Variants in DDAH1 observed in about 807,000 individuals in gnomAD.
DDAH1 encodes the protein N(G),N(G)-dimethylarginine dimethylaminohydrolase 1.
In DDAH1, 19 loss-of-function variants were observed where a neutral mutation model predicts 28.8. The ratio of observed to expected loss-of-function variants is 0.66; its 90% CI spans 0.46 to 0.97. DDAH1 has a LOEUF of 0.97. Ranked by LOEUF, DDAH1 falls within the 50% of genes least tolerant of loss-of-function variation. DDAH1 has a pLI of 0.00. For synonymous variants in DDAH1, 153 were observed against 154.4 expected (o/e 0.99, Z 0.07); for missense variants, 326 against 375.9 (o/e 0.87, Z 1.10).
chr1:85,468,674 C>T (rs1053352385), upstream of DDAH1, among the ~76,000 whole-genome samples: 5 of 152,122 alleles, frequency 3.3e-5, no homozygotes, highest in African/African-American at 1.2e-4. Context: ...CACCCGCCAC[C>T]ACACCCAGCT....
chr1:85,445,496 G>A (rs1191680678), intron 1 of DDAH1, among the ~76,000 whole-genome samples: 1 of 152,210 alleles, frequency 6.6e-6, no homozygotes, highest in Non-Finnish European at 1.5e-5. Flanking sequence ...ATTTAGGACA[G>A]ACGGTTAACG....
rs1400890888 is a variant in DDAH1, at chr1:85,440,572, G to GA, written c.303+24170dup. Among the ~76,000 whole-genome samples, 2 of 152,198 alleles carry GA rather than the reference G, an allele frequency of 1.3e-5. 1 individual carries two copies. Among genetic ancestry groups the GA allele is most frequent in the Admixed American group, 1.3e-4 (2 of 15,282 alleles). On this transcript the variant is annotated intron_variant, in intron 1 of 5. Coordinates refer to ENST00000284031, the MANE Select transcript of DDAH1 (RefSeq NM_012137.4). The stretch of plus-strand genomic sequence containing the variant: ...ACTACTCTCAATAATTCCAGTCTTT[G>GA]AAGGGGCTGGAGAATGTTATGTAAA...
chr1:85,540,695 C>T (rs900421946), intron 1 of DDAH1, among the ~76,000 whole-genome samples: 11 of 152,216 alleles, frequency 7.2e-5, no homozygotes, highest in East Asian at 5.8e-4. Flanking sequence ...CAGTGACTCA[C>T]GCCTGTAATC....
chr1:85,557,078 T>A (rs949546660), intron 1 of DDAH1, among the ~76,000 whole-genome samples: 1 of 152,054 alleles, frequency 6.6e-6, no homozygotes, highest in Non-Finnish European at 1.5e-5. Context: ...GATCATACCA[T>A]TGTACTCCAG....
chr1:85,424,433 A>G (rs1653297292), intron 1 of DDAH1, among the ~76,000 whole-genome samples: 1 of 152,158 alleles, frequency 6.6e-6, no homozygotes, highest in Non-Finnish European at 1.5e-5. Flanking sequence ...CAACCTGATT[A>G]TCTTCAAATA....
intron 1 of DDAH1, among the ~76,000 whole-genome samples, chr1:85,370,179 G>A (rs1650306667): frequency 6.6e-6 from 1 of 152,162 alleles, no homozygotes; most frequent in Non-Finnish European, 1.5e-5. Context: ...GTCCTTATAA[G>A]AAGAGCAGAC....
chr1:85,468,149 A>G (rs1262397544), upstream of DDAH1, among the ~76,000 whole-genome samples: 1 of 152,188 alleles, frequency 6.6e-6, no homozygotes, highest in Non-Finnish European at 1.5e-5. Flanking sequence ...TAACAAAACA[A>G]CTCCAACACA....
chr1:85,340,906 C>T (rs533162328), intron 4 of DDAH1, among the ~76,000 whole-genome samples: 1 of 152,210 alleles, frequency 6.6e-6, no homozygotes, highest in East Asian at 1.9e-4. Context: ...CAGCCATTGT[C>T]TCTTGATGGT....
chr1:85,351,655 T>C, intron 2 of DDAH1, 76 bp from the exon 3 acceptor site: 1 of 1,106,558 alleles, frequency 9.0e-7, no homozygotes, highest in East Asian at 2.4e-5. Context: ...CTATAAATAA[T>C]GACCTTAAAG....
chr1:85,536,086 C>A (rs1334692656), intron 1 of DDAH1, among the ~76,000 whole-genome samples: 5 of 151,398 alleles, frequency 3.3e-5, no homozygotes, highest in South Asian at 2.1e-4. Flanking sequence ...CATGGCGAAA[C>A]CTTAGCTAGG....
At position 85,407,333 on chromosome 1, in the gene DDAH1, T is replaced by C. The variant is rs12027461; in HGVS notation, c.304-48486A>G. 2.1e-4 allele frequency among the ~76,000 whole-genome samples: 32 copies of C among 152,302 alleles called. No homozygotes were observed. The East Asian group carries it at 4.4e-3, about 21-fold the overall frequency. ...AACTGAGAGCGGAGCTGGCCAACAA[T>C]GGATGATTCATTGATTTAGCTTGAG... On this transcript the variant is annotated intron_variant, in intron 1 of 5. Coordinates refer to ENST00000284031, the MANE Select transcript of DDAH1 (RefSeq NM_012137.4).
chr1:85,459,913 T>A (rs1235669453), intron 1 of DDAH1, among the ~76,000 whole-genome samples: 1 of 152,240 alleles, frequency 6.6e-6, no homozygotes, highest in African/African-American at 2.4e-5. Flanking sequence ...TAAAATGGGA[T>A]TTAAGTAGTT....
chr1:85,381,688 G>A (rs893276343), intron 1 of DDAH1, among the ~76,000 whole-genome samples: 9 of 150,956 alleles, frequency 6.0e-5, no homozygotes, highest in African/African-American at 2.2e-4. Flanking sequence ...TTGTTTTATT[G>A]CACTTTGCTT....
intron 1 of DDAH1, among the ~76,000 whole-genome samples, chr1:85,573,011 G>C (rs1181548984): frequency 6.6e-6 from 1 of 152,208 alleles, no homozygotes; most frequent in African/African-American, 2.4e-5. Context: ...TAGAGAATAA[G>C]ACTAGCTCAT....
At chr1:85,374,750 CAT>C (rs1650570499) in intron 1 of DDAH1, among the ~76,000 whole-genome samples, 1 of 151,766 alleles carries the variant, frequency 6.6e-6, no homozygotes, top group Non-Finnish European at 1.5e-5. Flanking sequence ...TAAGCACAAA[CAT>C]AGTTAAATAG....
intron 1 of DDAH1, among the ~76,000 whole-genome samples, chr1:85,367,480 T>TAACCACTC (rs1650135803): frequency 2.0e-5 from 3 of 152,200 alleles, no homozygotes. Context: ...AGGAACCTCT[T>TAACCACTC]AACCACTCAT....
chr1:85,526,306 T>C (rs1657870322), intron 1 of DDAH1, among the ~76,000 whole-genome samples: 1 of 152,214 alleles, frequency 6.6e-6, no homozygotes, highest in Non-Finnish European at 1.5e-5. Flanking sequence ...GCAGTGACAA[T>C]GATCCCTCAG....
chr1:85,553,127 C>A (rs1658849148), intron 1 of DDAH1, among the ~76,000 whole-genome samples: 1 of 152,146 alleles, frequency 6.6e-6, no homozygotes, highest in South Asian at 2.1e-4. Flanking sequence ...GCTCACACTT[C>A]CAGCCACCCC....
In DDAH1 at chr1:85,570,364, T is replaced by TCACACACACACACA. The variant is rs35259175; in HGVS notation, c.-123+7606_-123+7619dup. On this transcript the variant is annotated intron_variant, in intron 1 of 6. Transcript: ENST00000426972. ...CCTCCCTTCTCCAGCACACACACTG[T>TCACACACACACACA]CACACACACACACACACACACACAC... Among the ~76,000 whole-genome samples the TCACACACACACACA allele has an allele frequency of 6.6e-3, 955 of 145,554 alleles. 13 individuals carry two copies. Among genetic ancestry groups the TCACACACACACACA allele is most frequent in the African/African-American group, 0.019 (751 of 39,190 alleles).
Sources: gnomAD v4.1 joint callset for allele counts (sites outside exome capture counted in the v4.1 genomes callset) on GRCh38, gnomAD v4.1.1 for gene constraint, MANE v1.5 for transcripts, NCBI Gene and HGNC (gene_info 2026-07-23, HGNC 2026-07-21) for gene names.